Variants in SMYD3 observed in about 807,000 individuals in gnomAD.
The protein encoded by SMYD3 is SET and MYND domain containing 3.
A neutral mutation model predicts 57.7 loss-of-function variants in SMYD3; 36 were observed. The observed-to-expected ratio is 0.62, with a 90% CI of 0.48 to 0.82. The LOEUF is 0.82. Ranked by LOEUF, SMYD3 falls within the 40% of genes least tolerant of loss-of-function variation. The pLI is 0.00. For synonymous variants in SMYD3, 211 were observed against 195.0 expected, an observed-to-expected ratio of 1.08 and a Z score of -0.68; for missense variants, 515 against 538.8, an observed-to-expected ratio of 0.96 and a Z score of 0.44.
In SMYD3 at chr1:246,106,461, T is replaced by G. The variant is rs541002146; in HGVS notation, c.532-176524A>C. 9.2e-5 allele frequency among the ~76,000 whole-genome samples: 14 copies of G among 151,682 alleles called. 1 individual carries two copies. The highest frequency in any genetic ancestry group is 3.4e-4 in the African/African-American group (14 of 41,240). On this transcript the variant is annotated intron_variant, in intron 5 of 11. Coordinates refer to ENST00000490107, the MANE Select transcript of SMYD3 (RefSeq NM_001167740.2). ...GGGAGTGCAAAATTATCATGATTTT[T>G]AAACAGCAAGGCGAGTAAACTGATC...
At chr1:246,231,571 A>C (rs1043185548) in intron 5 of SMYD3, among the ~76,000 whole-genome samples, 6 of 152,242 alleles carry the variant, frequency 3.9e-5, no homozygotes, top group African/African-American at 1.4e-4. Flanking sequence ...ACACAGAAAA[A>C]AGAAGTTACT....
intron 10 of SMYD3, among the ~76,000 whole-genome samples, chr1:245,832,485 G>GTT (rs10578766): frequency 5.4e-5 from 8 of 149,044 alleles, no homozygotes; most frequent in Middle Eastern, 3.5e-3. Flanking sequence ...TGTTTTTTTT[G>GTT]TTTTTTTTTT....
At chr1:245,923,813 C>A (rs1572701379) in intron 7 of SMYD3, among the ~76,000 whole-genome samples, 1 of 152,220 alleles carries the variant, frequency 6.6e-6, no homozygotes, top group Non-Finnish European at 1.5e-5. Context: ...GTTTCCTCAA[C>A]TATACCTTGA....
intron 5 of SMYD3, among the ~76,000 whole-genome samples, chr1:246,164,283 C>T (rs998079545): frequency 1.1e-4 from 17 of 152,048 alleles, no homozygotes; most frequent in African/African-American, 3.1e-4. Flanking sequence ...ATTAGCTGGG[C>T]GTGGTGGCGG....
intron 1 of SMYD3, among the ~76,000 whole-genome samples, chr1:246,371,201 A>G (rs570109618): frequency 2.6e-5 from 4 of 152,342 alleles, no homozygotes; most frequent in Admixed American, 2.6e-4. Context: ...ACAGTATTTA[A>G]AAGATTATAC....
At chr1:246,250,214 A>G (rs1193006411) in intron 5 of SMYD3, among the ~76,000 whole-genome samples, 1 of 152,210 alleles carries the variant, frequency 6.6e-6, no homozygotes, top group Non-Finnish European at 1.5e-5. Flanking sequence ...TCACCCTGTG[A>G]TGACTGTGAC....
intron 1 of SMYD3, among the ~76,000 whole-genome samples, chr1:246,470,030 T>C (rs1471747627): frequency 1.3e-5 from 2 of 152,192 alleles, no homozygotes; most frequent in Admixed American, 6.5e-5. Context: ...GTTGAAAAAT[T>C]CAAGTCTAAT....
intron 5 of SMYD3, among the ~76,000 whole-genome samples, chr1:246,291,838 G>A (rs1399765150): frequency 1.3e-5 from 2 of 152,146 alleles, no homozygotes; most frequent in Non-Finnish European, 1.5e-5. Flanking sequence ...GGTAGTAAAG[G>A]AGCCATTTCT....
At chr1:246,244,334 T>C (rs1167867594) in intron 5 of SMYD3, among the ~76,000 whole-genome samples, 1 of 152,128 alleles carries the variant, frequency 6.6e-6, no homozygotes, top group Non-Finnish European at 1.5e-5. Context: ...TTTTCCATTC[T>C]GAAATGCTGA....
At chr1:246,119,286 T>C (rs4654203) in intron 5 of SMYD3, among the ~76,000 whole-genome samples, 127,741 of 152,168 alleles carry the variant, frequency 0.84, 53,810 homozygotes, top group Admixed American at 0.89. Context: ...GCATGAGCCA[T>C]CACACCCAGC....
chr1:246,029,356 A>G (rs2059627222), intron 5 of SMYD3, among the ~76,000 whole-genome samples: 1 of 152,200 alleles, frequency 6.6e-6, no homozygotes, highest in African/African-American at 2.4e-5. Flanking sequence ...TGGGCAAATG[A>G]TATGAATAGA....
At chr1:246,308,166 C>T (rs765436970) in intron 5 of SMYD3, among the ~76,000 whole-genome samples, 1 of 152,118 alleles carries the variant, frequency 6.6e-6, no homozygotes, top group Non-Finnish European at 1.5e-5. Flanking sequence ...TTGCTTTCAA[C>T]GAATCTTCAA....
intron 10 of SMYD3, among the ~76,000 whole-genome samples, chr1:245,804,557 C>CAAAACA (rs2048047022): frequency 6.6e-6 from 1 of 152,010 alleles, no homozygotes; most frequent in African/African-American, 2.4e-5. Context: ...GACTCCGTCT[C>CAAAACA]AAAACAAAAA....
At chr1:245,976,478 AGGGAAAGCCATCGTCTCCG>A in intron 5 of SMYD3, among the ~76,000 whole-genome samples, 1 of 50,694 alleles carries the variant, frequency 2.0e-5, no homozygotes, top group African/African-American at 7.0e-5. Context: ...TCTCCGGCCC[AGGGAAAGCCATCGTCTCCG>A]GCCCAGGGAA....
intron 5 of SMYD3, among the ~76,000 whole-genome samples, chr1:246,140,865 G>A (rs754627618): frequency 2.6e-5 from 4 of 152,202 alleles, no homozygotes; most frequent in African/African-American, 7.2e-5. Context: ...GAGTTGCTGG[G>A]ATCACAGAAC....
At chr1:245,928,107 T>C in intron 6 of SMYD3, 74 bp from the exon 7 acceptor site, 1 of 1,182,054 alleles carries the variant, frequency 8.5e-7, no homozygotes, top group Non-Finnish European at 1.2e-6. Context: ...ATGCAGTGGG[T>C]AAAATACACC....
intron 5 of SMYD3, among the ~76,000 whole-genome samples, chr1:246,068,972 C>T (rs1018057150): frequency 2.6e-5 from 4 of 152,150 alleles, no homozygotes; most frequent in African/African-American, 4.8e-5. Context: ...CAAAAACCAA[C>T]ATGGGAAGGA....
chr1:245,945,159 C>A (rs947442047), intron 5 of SMYD3, among the ~76,000 whole-genome samples: 1 of 151,906 alleles, frequency 6.6e-6, no homozygotes, highest in Admixed American at 6.6e-5. Context: ...AAAGAGCTTT[C>A]GCACAGCAAA....
intron 5 of SMYD3, among the ~76,000 whole-genome samples, chr1:246,251,546 C>T (rs2063801055): frequency 1.3e-5 from 1 of 79,934 alleles, no homozygotes; most frequent in Non-Finnish European, 2.4e-5. Context: ...GCCGCGGACA[C>T]TGTGCCCGGC....
Sources: allele counts gnomAD v4.1 joint callset (sites outside exome capture counted in the v4.1 genomes callset), GRCh38; gene constraint gnomAD v4.1.1; transcripts MANE v1.5; gene names NCBI Gene and HGNC (gene_info 2026-07-23, HGNC 2026-07-21).